FRMPD4: variants seen among roughly 807,000 people sequenced by gnomAD.
FRMPD4 encodes the protein FERM and PDZ domain containing 4.
A neutral mutation model predicts 94.1 loss-of-function variants in FRMPD4; 22 were observed. The ratio of observed to expected loss-of-function variants is 0.23; its 90% confidence interval spans 0.17 to 0.33. The LOEUF (loss-of-function observed/expected upper bound fraction) is 0.33. Among genes scored for constraint, FRMPD4 ranks in the 10% least tolerant of loss-of-function variants. The pLI is 1.00. For synonymous variants in FRMPD4, 631 were observed against 548.6 expected (o/e 1.15, Z -2.10); for missense variants, 1,111 against 1,339.9 (o/e 0.83, Z 2.67).
chrX:12,226,686 A>G (rs1210915591), intron 1 of FRMPD4, among the ~76,000 whole-genome samples: 1 of 111,054 alleles, frequency 9.0e-6, no homozygotes, highest in African/African-American at 3.3e-5. Flanking sequence ...CCCCATTTCC[A>G]CAGGGCAACA....
intron 3 of FRMPD4, among the ~76,000 whole-genome samples, chrX:12,066,374 A>G (rs1050734553): frequency 8.9e-6 from 1 of 111,954 alleles, no homozygotes; most frequent in Non-Finnish European, 1.9e-5. Context: ...GTAATCTTTC[A>G]TGATTGGAGA....
At chrX:12,278,229 A>G (rs1225344549) in intron 1 of FRMPD4, among the ~76,000 whole-genome samples, 5 of 112,296 alleles carry the variant, frequency 4.5e-5, no homozygotes, top group African/African-American at 1.6e-4. Context: ...TCAACAAAAA[A>G]GTCAGAAGAA....
chrX:12,011,074 C>G (rs1466201196), intron 3 of FRMPD4, among the ~76,000 whole-genome samples: 2 of 112,303 alleles, frequency 1.8e-5, no homozygotes, highest in Non-Finnish European at 3.8e-5. Context: ...CTGACTTCAA[C>G]CCACCCCCTT....
intron 3 of FRMPD4, among the ~76,000 whole-genome samples, chrX:12,048,244 G>A (rs2054796794): frequency 8.9e-6 from 1 of 111,996 alleles, no homozygotes; most frequent in Non-Finnish European, 1.9e-5. Flanking sequence ...CATTTCTCTG[G>A]TTATTAGTGA....
chrX:12,526,121 C>T (rs1168647549), intron 2 of FRMPD4, among the ~76,000 whole-genome samples: 1 of 112,127 alleles, frequency 8.9e-6, no homozygotes, highest in Non-Finnish European at 1.9e-5. Flanking sequence ...TGAGGGCCTT[C>T]GAAATGCCTC....
At chrX:12,303,695 A>C (rs1368123332) in intron 1 of FRMPD4, among the ~76,000 whole-genome samples, 1 of 111,954 alleles carries the variant, frequency 8.9e-6, no homozygotes, top group Non-Finnish European at 1.9e-5. Context: ...AATAACCCAA[A>C]ATAAGAAGAG....
intron 2 of FRMPD4, among the ~76,000 whole-genome samples, chrX:12,525,728 T>C (rs1374492212): frequency 8.9e-6 from 1 of 112,167 alleles, no homozygotes; most frequent in Admixed American, 9.4e-5. Context: ...CCAAATGTTT[T>C]CCATTTGACG....
At chrX:11,871,277 C>T (rs1202644021) in intron 2 of FRMPD4, among the ~76,000 whole-genome samples, 6 of 111,922 alleles carry the variant, frequency 5.4e-5, no homozygotes. Context: ...TGTCACCTCC[C>T]AAAATACCAC....
chrX:12,454,648 T>C (rs1297606569), intron 1 of FRMPD4, among the ~76,000 whole-genome samples: 2 of 110,035 alleles, frequency 1.8e-5, no homozygotes, highest in African/African-American at 6.6e-5. Context: ...TTTTTAGACA[T>C]ACTGGTGATG....
intron 15 of FRMPD4, 47 bp downstream of exon 15, chrX:12,717,180 C>T: frequency 1.1e-6 from 1 of 876,307 alleles, no homozygotes; most frequent in Non-Finnish European, 1.6e-6. Flanking sequence ...CATATCATTC[C>T]ATCCTTCCAA....
At chrX:12,184,139 A>AT (rs749953892) in intron 1 of FRMPD4, among the ~76,000 whole-genome samples, 6 of 110,980 alleles carry the variant, frequency 5.4e-5, no homozygotes, top group Non-Finnish European at 7.6e-5. Flanking sequence ...TGCAACACTG[A>AT]TTTTTTTTAA....
upstream of FRMPD4, among the ~76,000 whole-genome samples, chrX:12,133,540 TCAGCCTC>T (rs1237962114): frequency 1.8e-5 from 2 of 111,702 alleles, no homozygotes; most frequent in Non-Finnish European, 3.8e-5. Context: ...TCCTCCCACC[TCAGCCTC>T]CCAAACTGTT....
intron 3 of FRMPD4, among the ~76,000 whole-genome samples, chrX:12,085,141 G>T (rs1052486093): frequency 8.9e-6 from 1 of 111,857 alleles, no homozygotes; most frequent in Admixed American, 9.5e-5. Context: ...TATACCACCA[G>T]ATGGCAATTT....
chrX:12,246,846 A>G (rs1029671471), intron 1 of FRMPD4, among the ~76,000 whole-genome samples: 1 of 111,531 alleles, frequency 9.0e-6, no homozygotes, highest in Non-Finnish European at 1.9e-5. Flanking sequence ...CATATCTGCC[A>G]AGATAAGATT....
intron 1 of FRMPD4, among the ~76,000 whole-genome samples, chrX:12,351,185 A>G (rs1332797714): frequency 9.1e-6 from 1 of 110,245 alleles, no homozygotes; most frequent in Non-Finnish European, 1.9e-5. Flanking sequence ...AAAAAAAAAA[A>G]AAGTGTGATT....
intron 1 of FRMPD4, among the ~76,000 whole-genome samples, chrX:11,830,763 C>A (rs2053470404): frequency 9.0e-6 from 1 of 111,426 alleles, no homozygotes; most frequent in African/African-American, 3.3e-5. Flanking sequence ...TATAAACATC[C>A]AAATCTAGCT....
intron 4 of FRMPD4, among the ~76,000 whole-genome samples, chrX:12,616,529 A>G (rs1188123103): frequency 1.8e-5 from 2 of 112,354 alleles, no homozygotes; most frequent in African/African-American, 6.5e-5. Context: ...TGGGGCATCC[A>G]GATCTCCAAG....
At chrX:12,559,470 T>G (rs1225744672) in intron 2 of FRMPD4, among the ~76,000 whole-genome samples, 1 of 110,788 alleles carries the variant, frequency 9.0e-6, no homozygotes, top group Non-Finnish European at 1.9e-5. Context: ...GCCAACATAG[T>G]GAAACGCCAT....
chrX:12,152,531 G>A (rs1274722410), intron 1 of FRMPD4, among the ~76,000 whole-genome samples: 1 of 111,439 alleles, frequency 9.0e-6, no homozygotes, highest in Admixed American at 9.6e-5. Context: ...GGGTAAATAT[G>A]ATTTCCTAAA....
Sources: gnomAD v4.1 joint callset for allele counts (sites outside exome capture counted in the v4.1 genomes callset) on GRCh38, gnomAD v4.1.1 for gene constraint, MANE v1.5 for transcripts, NCBI Gene and HGNC (gene_info 2026-07-23, HGNC 2026-07-21) for gene names.